Variants in TAFA4 observed in about 807,000 individuals in gnomAD.
The protein encoded by TAFA4 is TAFA chemokine like family member 4, also known as chemokine-like protein TAFA-4.
In TAFA4, 20 loss-of-function variants were observed where a neutral mutation model predicts 21.1. That is an observed-to-expected ratio of 0.95 (90% CI 0.67 to 1.38). The LOEUF is 1.38. Ranked by LOEUF, TAFA4 falls within the 40% of genes most tolerant of loss-of-function variation. TAFA4 has a pLI of 0.00. For synonymous variants in TAFA4, 71 were observed against 67.4 expected (o/e 1.05, Z -0.26); for missense variants, 211 against 180.9 (o/e 1.17, Z -0.95).
At chr3:68,738,288 G>A (rs1206042218) in intron 5 of TAFA4, among the ~76,000 whole-genome samples, 1 of 152,178 alleles carries the variant, frequency 6.6e-6, no homozygotes, top group Non-Finnish European at 1.5e-5. Context: ...GAGGTGGTTT[G>A]GCCATGTTAC....
chr3:68,767,777 C>A (rs1702884540), intron 3 of TAFA4, among the ~76,000 whole-genome samples: 3 of 151,896 alleles, frequency 2.0e-5, no homozygotes, highest in Non-Finnish European at 2.9e-5. Flanking sequence ...TATATGTATA[C>A]ATACAAATAT....
chr3:68,884,403 A>T (rs1278374830), intron 2 of TAFA4, among the ~76,000 whole-genome samples: 3 of 152,212 alleles, frequency 2.0e-5, no homozygotes, highest in Non-Finnish European at 4.4e-5. Flanking sequence ...AGTTCCTGCC[A>T]GAAGGGTCCA....
At chr3:68,928,214 T>A (rs930164275) in intron 1 of TAFA4, among the ~76,000 whole-genome samples, 2 of 152,214 alleles carry the variant, frequency 1.3e-5, no homozygotes, top group African/African-American at 4.8e-5. Flanking sequence ...AATCAGTAGT[T>A]CATCCATATA....
At chr3:68,916,577 A>G (rs1255423003) in intron 1 of TAFA4, among the ~76,000 whole-genome samples, 1 of 152,246 alleles carries the variant, frequency 6.6e-6, no homozygotes, top group Non-Finnish European at 1.5e-5. Flanking sequence ...TTCTGCCTGT[A>G]TCATTTCACC....
At chr3:68,897,351 G>A (rs1412025271) in intron 1 of TAFA4, among the ~76,000 whole-genome samples, 17 of 151,838 alleles carry the variant, frequency 1.1e-4, no homozygotes, top group Admixed American at 1.1e-3. Flanking sequence ...TTTTGGCCAG[G>A]TACGGGGGCT....
intron 5 of TAFA4, among the ~76,000 whole-genome samples, chr3:68,738,729 T>C (rs1702288072): frequency 1.3e-5 from 2 of 152,216 alleles, no homozygotes; most frequent in South Asian, 2.1e-4. Context: ...GTATTTCTAC[T>C]TGAGTAAATC....
At chr3:68,865,149 TA>T (rs1474438842) in intron 3 of TAFA4, among the ~76,000 whole-genome samples, 1 of 152,114 alleles carries the variant, frequency 6.6e-6, no homozygotes, top group Admixed American at 6.6e-5. Flanking sequence ...AAAACAAAAA[TA>T]AAATATGTGC....
chr3:68,795,001 T>TACACACACACAC (rs3048125), intron 3 of TAFA4, among the ~76,000 whole-genome samples: 1,553 of 144,062 alleles, frequency 0.011, 16 homozygotes, highest in African/African-American at 0.026. Context: ...TGTGTCTCAA[T>TACACACACACAC]ACACACACAC....
chr3:68,891,937 G>A (rs372932132), intron 1 of TAFA4, among the ~76,000 whole-genome samples: 37 of 152,316 alleles, frequency 2.4e-4, no homozygotes, highest in South Asian at 1.9e-3. Context: ...ACCAAAGCAT[G>A]CACAATGAAA....
intron 3 of TAFA4, among the ~76,000 whole-genome samples, chr3:68,830,492 G>A (rs1336977333): frequency 2.0e-5 from 3 of 152,170 alleles, no homozygotes; most frequent in Admixed American, 6.5e-5. Context: ...ATGTAGTTGT[G>A]CAGTTTTGAG....
At chr3:68,748,287 G>A (rs1702496947) in intron 4 of TAFA4, among the ~76,000 whole-genome samples, 1 of 152,196 alleles carries the variant, frequency 6.6e-6, no homozygotes, top group Non-Finnish European at 1.5e-5. Flanking sequence ...TGTCATTCAT[G>A]TGTCTGCACT....
At chr3:68,915,901 C>G (rs1433194545) in intron 1 of TAFA4, among the ~76,000 whole-genome samples, 1 of 152,136 alleles carries the variant, frequency 6.6e-6, no homozygotes, top group Non-Finnish European at 1.5e-5. Context: ...ATTTCTATCT[C>G]CATTCAATAA....
intron 3 of TAFA4, among the ~76,000 whole-genome samples, chr3:68,859,593 C>A (rs917803457): frequency 6.6e-6 from 1 of 152,076 alleles, no homozygotes; most frequent in South Asian, 2.1e-4. Flanking sequence ...TCTCTTCTGG[C>A]CTTTTGACCA....
chr3:68,816,105 A>C (rs891622416), intron 3 of TAFA4, among the ~76,000 whole-genome samples: 2 of 152,170 alleles, frequency 1.3e-5, no homozygotes, highest in Non-Finnish European at 2.9e-5. Flanking sequence ...CATAGGTGGG[A>C]CTTGAACAAT....
intron 3 of TAFA4, among the ~76,000 whole-genome samples, chr3:68,849,528 G>A (rs1311811280): frequency 6.6e-6 from 1 of 152,290 alleles, no homozygotes; most frequent in East Asian, 1.9e-4. Flanking sequence ...CAGCATTCCA[G>A]CTGTCCTTGA....
At chr3:68,799,528 G>T (rs1465076263) in intron 3 of TAFA4, among the ~76,000 whole-genome samples, 1 of 152,186 alleles carries the variant, frequency 6.6e-6, no homozygotes, top group Non-Finnish European at 1.5e-5. Flanking sequence ...GGTAAAAGAG[G>T]CTTTGCAGTT....
chr3:68,797,460 A>C (rs2106821759), intron 3 of TAFA4, among the ~76,000 whole-genome samples: 1 of 152,060 alleles, frequency 6.6e-6, no homozygotes, highest in African/African-American at 2.4e-5. Context: ...AAAAATACAA[A>C]AAATTAGCCG....
chr3:68,833,816 G>C (rs564580061), intron 3 of TAFA4, among the ~76,000 whole-genome samples: 1 of 152,212 alleles, frequency 6.6e-6, no homozygotes, highest in South Asian at 2.1e-4. Context: ...ATATAGCAGA[G>C]GAACATGAGG....
chr3:68,876,806 A>G (rs2089554636), intron 3 of TAFA4, among the ~76,000 whole-genome samples: 1 of 152,210 alleles, frequency 6.6e-6, no homozygotes, highest in Non-Finnish European at 1.5e-5. Context: ...AACAGATAAC[A>G]TTCAAAAGAA....
Sources: gnomAD v4.1 joint callset for allele counts (sites outside exome capture counted in the v4.1 genomes callset) on GRCh38, gnomAD v4.1.1 for gene constraint, MANE v1.5 for transcripts, NCBI Gene and HGNC (gene_info 2026-07-23, HGNC 2026-07-21) for gene names.